Variants in TRIM5 observed in about 807,000 individuals in gnomAD.
The protein encoded by TRIM5 is tripartite motif containing 5.
TRIM5 carries 31 observed loss-of-function variants against 35.6 expected under a neutral mutation model. That is an observed-to-expected ratio of 0.87 (90% CI 0.65 to 1.18). The LOEUF (loss-of-function observed/expected upper bound fraction) is 1.18, where lower values mean the gene tolerates loss of function less well. TRIM5 is among the 50% of genes most tolerant of loss of function. The probability of loss-of-function intolerance (pLI) is 0.00; values close to 1 mark genes in which losing one functional copy is unlikely to be tolerated. For missense variants in TRIM5, 609 were observed against 591.6 expected (o/e 1.03, Z -0.31); for synonymous variants, 243 against 215.6 (o/e 1.13, Z -1.11).
chr11:5,678,480 G>T, intron 3 of TRIM5, 46 bp from the exon 4 acceptor site: 7 of 1,434,242 alleles, frequency 4.9e-6, no homozygotes, highest in Non-Finnish European at 4.7e-6. Context: ...CTACCAGGCA[G>T]AGGCTGTTAG....
At chr11:5,631,195 A>T in the TRIM5 span, among the ~76,000 whole-genome samples, 1 of 152,128 alleles carries the variant, frequency 6.6e-6, no homozygotes, top group Non-Finnish European at 1.5e-5. Flanking sequence ...CCTTCAGGCC[A>T]AGAAGAAATC....
chr11:5,667,172 C>A (rs972350794), intron 5 of TRIM5, among the ~76,000 whole-genome samples: 2 of 152,078 alleles, frequency 1.3e-5, no homozygotes, highest in African/African-American at 4.8e-5. Flanking sequence ...ACCATAGAAT[C>A]TGGTCTATTC....
intron 1 of TRIM5, among the ~76,000 whole-genome samples, chr11:5,684,338 A>G (rs1354720664): frequency 6.6e-6 from 1 of 152,002 alleles, no homozygotes; most frequent in Non-Finnish European, 1.5e-5. Context: ...CTTACTCTCC[A>G]CTCCTAGCAA....
chr11:5,591,924 C>T, the TRIM5 span, among the ~76,000 whole-genome samples: 29 of 152,292 alleles, frequency 1.9e-4, no homozygotes, highest in Non-Finnish European at 3.1e-4. Context: ...AAAAACAGCT[C>T]ACAACTATGA....
chr11:5,605,835 C>A, the TRIM5 span, among the ~76,000 whole-genome samples: 263 of 152,254 alleles, frequency 1.7e-3, no homozygotes, highest in Admixed American at 2.9e-3. Flanking sequence ...TCTGTTGTAT[C>A]CAGTGATGTT....
At chr11:5,608,488 G>A in the TRIM5 span, 25 of 1,573,054 alleles carry the variant, frequency 1.6e-5, no homozygotes, top group African/African-American at 2.7e-5. Context: ...ATCAGAGTGG[G>A]GAAGATTCAA....
the TRIM5 span, chr11:5,643,334 G>A: frequency 6.2e-7 from 1 of 1,613,794 alleles, no homozygotes; most frequent in Non-Finnish European, 8.5e-7. Flanking sequence ...GGATCCTGGG[G>A]GTATACTGTA....
At chr11:5,593,460 A>G in the TRIM5 span, among the ~76,000 whole-genome samples, 1 of 152,260 alleles carries the variant, frequency 6.6e-6, no homozygotes, top group East Asian at 1.9e-4. Context: ...AATATATTAG[A>G]GATTTCCTCA....
chr11:5,606,977 G>C, the TRIM5 span, among the ~76,000 whole-genome samples: 12 of 152,194 alleles, frequency 7.9e-5, no homozygotes, highest in African/African-American at 1.4e-4. Flanking sequence ...GCCGAGGCAG[G>C]CGGATCATGA....
chr11:5,645,283 T>C, the TRIM5 span, among the ~76,000 whole-genome samples: 2 of 151,782 alleles, frequency 1.3e-5, no homozygotes, highest in African/African-American at 4.8e-5. Flanking sequence ...TCCCACCTAC[T>C]TGGGAGGCTG....
the TRIM5 span, chr11:5,605,437 A>G: frequency 1.9e-6 from 3 of 1,614,220 alleles, no homozygotes; most frequent in Non-Finnish European, 2.5e-6. Context: ...AAGCTGGAAC[A>G]GGAAGAGAAG....
the TRIM5 span, among the ~76,000 whole-genome samples, chr11:5,601,020 A>G: frequency 9.7e-3 from 1,474 of 152,332 alleles, 26 homozygotes; most frequent in African/African-American, 0.034. Flanking sequence ...AGAAAAATAG[A>G]CAATAAAGGT....
chr11:5,633,946 A>G, the TRIM5 span: 6 of 1,602,540 alleles, frequency 3.7e-6, no homozygotes, highest in Non-Finnish European at 5.1e-6. Context: ...TCTTGACAGG[A>G]CCTTAATCCA....
At chr11:5,621,475 C>T in the TRIM5 span, among the ~76,000 whole-genome samples, 1 of 152,190 alleles carries the variant, frequency 6.6e-6, no homozygotes, top group Non-Finnish European at 1.5e-5. Context: ...TCTTGAATGA[C>T]TAAACTTGCT....
chr11:5,589,705 G>A, the TRIM5 span: 3 of 155,686 alleles, frequency 1.9e-5, no homozygotes, highest in South Asian at 4.0e-4. Flanking sequence ...TGTGAGAGGT[G>A]ACAGCGTGCT....
At chr11:5,658,157 G>A in the TRIM5 span, among the ~76,000 whole-genome samples, 1 of 152,170 alleles carries the variant, frequency 6.6e-6, no homozygotes, top group Non-Finnish European at 1.5e-5. Context: ...CCTATAGCAG[G>A]AAGAGACACA....
At chr11:5,662,061 G>C (rs1282554082), downstream of TRIM5, among the ~76,000 whole-genome samples, 1 of 152,196 alleles carries the variant, frequency 6.6e-6, no homozygotes, top group Non-Finnish European at 1.5e-5. Flanking sequence ...CAGGAAAGCA[G>C]AGGTAAAAGG....
At chr11:5,631,116 T>C in the TRIM5 span, among the ~76,000 whole-genome samples, 1 of 152,216 alleles carries the variant, frequency 6.6e-6, no homozygotes, top group South Asian at 2.1e-4. Context: ...GATCTATGTG[T>C]AATTCAGCTG....
the TRIM5 span, chr11:5,596,684 C>G: frequency 1.5e-6 from 1 of 677,698 alleles, no homozygotes; most frequent in Non-Finnish European, 2.5e-6. Context: ...ACCTGTGGGT[C>G]CGTCCGTTCA....
Sources: gnomAD v4.1 joint callset for allele counts (sites outside exome capture counted in the v4.1 genomes callset) on GRCh38, gnomAD v4.1.1 for gene constraint, MANE v1.5 for transcripts, NCBI Gene and HGNC (gene_info 2026-07-23, HGNC 2026-07-21) for gene names.